ITGA9: variants seen among roughly 807,000 people sequenced by gnomAD.
ITGA9 encodes the protein integrin alpha-9.
A neutral mutation model predicts 127.8 loss-of-function variants in ITGA9; 56 were observed. The observed-to-expected ratio is 0.44, with a 90% CI of 0.35 to 0.55. The LOEUF (loss-of-function observed/expected upper bound fraction) is 0.55. ITGA9 is among the 20% of genes least tolerant of loss of function. The pLI, the probability that ITGA9 is intolerant of heterozygous loss-of-function variation, is 0.00. For synonymous variants in ITGA9, 508 were observed against 514.5 expected, an observed-to-expected ratio of 0.99 and a Z score of 0.17; for missense variants, 1,196 against 1,347.1, an observed-to-expected ratio of 0.89 and a Z score of 1.76.
At chr3:37,777,330 G>C (rs1696920339) in intron 23 of ITGA9, 62 bp from the exon 24 acceptor site, 2 of 1,591,964 alleles carry the variant, frequency 1.3e-6, no homozygotes, top group Admixed American at 3.3e-5. Flanking sequence ...ACAATAAGAG[G>C]CTCCAGCATC....
At chr3:37,612,402 TACAG>T (rs532916142) in intron 15 of ITGA9, among the ~76,000 whole-genome samples, 1 of 152,230 alleles carries the variant, frequency 6.6e-6, no homozygotes, top group Non-Finnish European at 1.5e-5. Flanking sequence ...TAAGAAGATC[TACAG>T]ACATTTTGAG....
At chr3:37,549,088 GCTCA>G (rs1699355277) in intron 15 of ITGA9, among the ~76,000 whole-genome samples, 1 of 152,230 alleles carries the variant, frequency 6.6e-6, no homozygotes, top group Non-Finnish European at 1.5e-5. Flanking sequence ...CTGGAAGTCA[GCTCA>G]CTGAGTGTGG....
chr3:37,469,325 G>A (rs1019457413), intron 1 of ITGA9, among the ~76,000 whole-genome samples: 3 of 152,152 alleles, frequency 2.0e-5, no homozygotes, highest in South Asian at 4.2e-4. Context: ...GAGAGGATAC[G>A]GTTTATAATT....
chr3:37,512,908 G>A (rs1279579873), intron 8 of ITGA9, among the ~76,000 whole-genome samples: 1 of 151,820 alleles, frequency 6.6e-6, no homozygotes, highest in Non-Finnish European at 1.5e-5. Flanking sequence ...GGATCCTGTT[G>A]GTATTTGGGT....
chr3:37,677,960 A>G (rs1197021455), intron 17 of ITGA9, among the ~76,000 whole-genome samples: 1 of 152,198 alleles, frequency 6.6e-6, no homozygotes, highest in African/African-American at 2.4e-5. Context: ...TAGTTATGAT[A>G]TTGCTCCTAG....
chr3:37,623,736 G>A (rs534578547), intron 15 of ITGA9, among the ~76,000 whole-genome samples: 4 of 151,994 alleles, frequency 2.6e-5, no homozygotes, highest in East Asian at 1.9e-4. Flanking sequence ...CGAGTTGTCC[G>A]TGGGAGGACG....
intron 4 of ITGA9, among the ~76,000 whole-genome samples, chr3:37,490,975 CTTTT>C (rs1553642022): frequency 9.5e-6 from 1 of 105,098 alleles, no homozygotes; most frequent in Non-Finnish European, 2.0e-5. Flanking sequence ...TTCCCCCCCG[CTTTT>C]TTTTTTTTTT....
intron 1 of ITGA9, among the ~76,000 whole-genome samples, chr3:37,466,289 C>T (rs1045262524): frequency 6.6e-6 from 1 of 151,812 alleles, no homozygotes; most frequent in Non-Finnish European, 1.5e-5. Context: ...TCAAGACCGG[C>T]CTTACCAATA....
Position 37,628,372 on chromosome 3 carries a change from C to T in ITGA9, c.1690-815C>T, listed in dbSNP as rs72857245. On this transcript the variant is annotated intron_variant, in intron 15 of 27. Coordinates refer to ENST00000264741, the MANE Select transcript of ITGA9 (RefSeq NM_002207.3). ...TGTGGGGGCCAGAGTCCCCAGGAGG[C>T]AGTGACGCTGTGTGCAGAAAAGCCA... is the stretch of plus-strand genomic sequence containing the variant. Among the ~76,000 whole-genome samples, 959 of 152,302 alleles carry T rather than the reference C, an allele frequency of 6.3e-3. 12 individuals carry two copies. Among genetic ancestry groups the T allele is most frequent in the African/African-American group, 0.022 (900 of 41,572 alleles).
intron 1 of ITGA9, among the ~76,000 whole-genome samples, chr3:37,460,739 C>A (rs1272648883): frequency 6.6e-6 from 1 of 151,718 alleles, no homozygotes; most frequent in African/African-American, 2.4e-5. Context: ...ACAGGTGCCC[C>A]CCACCACACC....
At chr3:37,577,077 T>C (rs1175795101) in intron 15 of ITGA9, among the ~76,000 whole-genome samples, 1 of 152,208 alleles carries the variant, frequency 6.6e-6, no homozygotes, top group Non-Finnish European at 1.5e-5. Context: ...TGGGCTCTGT[T>C]CCTCTGATGT....
At chr3:37,643,220 A>C (rs1178514527) in intron 16 of ITGA9, among the ~76,000 whole-genome samples, 4 of 152,222 alleles carry the variant, frequency 2.6e-5, no homozygotes, top group Admixed American at 1.3e-4. Context: ...GACCCAGATC[A>C]ACCCTACTCT....
intron 26 of ITGA9, among the ~76,000 whole-genome samples, chr3:37,796,090 T>C (rs574862157): frequency 2.4e-4 from 37 of 152,294 alleles, no homozygotes; most frequent in African/African-American, 7.9e-4. Flanking sequence ...TCCAGTTCAC[T>C]GTCCAATGGC....
intron 5 of ITGA9, among the ~76,000 whole-genome samples, chr3:37,497,261 T>G (rs1344324831): frequency 6.6e-6 from 1 of 152,164 alleles, no homozygotes; most frequent in African/African-American, 2.4e-5. Context: ...TTTCTTATGT[T>G]TTAAGTTTGC....
intron 15 of ITGA9, among the ~76,000 whole-genome samples, chr3:37,600,319 CCCAT>C (rs1699905194): frequency 1.3e-5 from 2 of 152,142 alleles, no homozygotes; most frequent in African/African-American, 2.4e-5. Flanking sequence ...ATGAGAACCA[CCCAT>C]CACCTCTGGT....
chr3:37,459,881 T>C (rs1165601783), intron 1 of ITGA9, among the ~76,000 whole-genome samples: 1 of 152,184 alleles, frequency 6.6e-6, no homozygotes, highest in Non-Finnish European at 1.5e-5. Context: ...TGGGGATGCT[T>C]ATTCATGACC....
chr3:37,582,183 T>C (rs1699715828), intron 15 of ITGA9, among the ~76,000 whole-genome samples: 1 of 152,216 alleles, frequency 6.6e-6, no homozygotes, highest in African/African-American at 2.4e-5. Context: ...CATGAAATTA[T>C]TGTCATGGAG....
Position 37,683,899 on chromosome 3 carries a change from G to C in ITGA9, c.1951G>C (p.Ala651Pro), listed in dbSNP as rs151109380. Residue 651 changes from alanine to proline, a missense_variant, in exon 18 of 28, where the codon GCT becomes CCT. Coordinates refer to ENST00000264741, the MANE Select transcript of ITGA9 (RefSeq NM_002207.3). The stretch of plus-strand genomic sequence containing the variant: ...GAAAACCCTGTATCTAGCTTTGGGG[G>C]CTGTGAAGAACATCTCCCTAAACAT... ...DEKTLYLALG[A>P]VKNISLNISI... 3.7e-6 allele frequency: 6 copies of C among 1,613,946 alleles called. No individual in the cohort carries two copies. In the African/African-American group the frequency reaches 8.0e-5, roughly 22 times the overall value.
At chr3:37,720,211 T>C (rs962597161) in intron 18 of ITGA9, among the ~76,000 whole-genome samples, 4 of 152,180 alleles carry the variant, frequency 2.6e-5, no homozygotes, top group African/African-American at 9.7e-5. Flanking sequence ...AGAAGGGGGT[T>C]TGCAGGTGAG....
Sources: allele counts gnomAD v4.1 joint callset (sites outside exome capture counted in the v4.1 genomes callset), GRCh38; gene constraint gnomAD v4.1.1; transcripts MANE v1.5; gene names NCBI Gene and HGNC (gene_info 2026-07-23, HGNC 2026-07-21).